MED27: variants seen among roughly 807,000 people sequenced by gnomAD.
The protein encoded by MED27 is mediator of RNA polymerase II transcription subunit 27.
In MED27, 30 loss-of-function variants were observed where a neutral mutation model predicts 38.2. That is an observed-to-expected ratio of 0.79 (90% CI 0.59 to 1.07). MED27 has a LOEUF of 1.07. Among genes scored for constraint, MED27 ranks in the 50% least tolerant of loss-of-function variants. The pLI, the probability that MED27 is intolerant of heterozygous loss-of-function variation, is 0.00. For synonymous variants in MED27, 122 were observed against 153.5 expected, an observed-to-expected ratio of 0.79 and a Z score of 1.52; for missense variants, 289 against 397.5, an observed-to-expected ratio of 0.73 and a Z score of 2.32.
At chr9:131,945,741 C>T (rs1490859469) in intron 3 of MED27, among the ~76,000 whole-genome samples, 1 of 148,540 alleles carries the variant, frequency 6.7e-6, no homozygotes, top group African/African-American at 2.5e-5. Flanking sequence ...AGGAAGATGG[C>T]TTGAGCTCAG....
intron 2 of MED27, among the ~76,000 whole-genome samples, chr9:132,038,036 A>G (rs1042110561): frequency 1.3e-5 from 2 of 151,934 alleles, no homozygotes; most frequent in Non-Finnish European, 2.9e-5. Context: ...GGGAGGGTGT[A>G]TGTCATCTAC....
In MED27 at chr9:132,014,379, C is replaced by T. The variant is rs532293886; in HGVS notation, c.437G>A (p.Arg146His). The T allele has an allele frequency of 1.9e-6, 3 of 1,613,214 alleles. No homozygotes were observed. The highest frequency in any genetic ancestry group is 1.1e-5 in the South Asian group (1 of 91,040). The part of the protein sequence containing the change: ...SANQMGVSAK[R>H]RPKAQPTTLV... ...AGTTGTGGGCTGAGCCTTTGGTCTACGTTTGGCAGATACTCCCATCTGATT... is the reference window on the plus strand; with the variant it reads ...AGTTGTGGGCTGAGCCTTTGGTCTATGTTTGGCAGATACTCCCATCTGATT... Residue 146 changes from arginine (R) to histidine (H), a missense_variant, in exon 3 of 8, where the codon CGT becomes CAT. Physicochemically the swap from Arg to His is conservative, Grantham distance 29 (BLOSUM62 0). Transcript: ENST00000292035.
At chr9:131,895,966 T>C (rs1278821893) in intron 4 of MED27, among the ~76,000 whole-genome samples, 1 of 151,480 alleles carries the variant, frequency 6.6e-6, no homozygotes, top group African/African-American at 2.4e-5. Flanking sequence ...TGGTGTGATC[T>C]CGGCTCACTG....
chr9:132,027,913 G>A (rs1365155617), intron 2 of MED27, among the ~76,000 whole-genome samples: 1 of 152,208 alleles, frequency 6.6e-6, no homozygotes, highest in African/African-American at 2.4e-5. Flanking sequence ...TGGAGGGTGA[G>A]TGTACTGGGC....
At chr9:131,891,631 T>C (rs1200730911) in intron 5 of MED27, among the ~76,000 whole-genome samples, 1 of 152,116 alleles carries the variant, frequency 6.6e-6, no homozygotes, top group Non-Finnish European at 1.5e-5. Context: ...CTGCCTAACA[T>C]CTATTAATAT....
rs1211344528 is a variant in MED27, at chr9:132,068,972, G to C, written c.348+8470C>G. Among the ~76,000 whole-genome samples the C allele has an allele frequency of 2.0e-5, 3 of 152,190 alleles. No homozygotes were observed. In the East Asian group the frequency reaches 5.8e-4, roughly 29 times the overall value. ...ATGAAGAGAGAAGACAAGAAAACGG[G>C]AGGCTTCTGTACATGTAATGATATG... On this transcript the variant is annotated intron_variant, in intron 2 of 7. Coordinates refer to ENST00000292035, the MANE Select transcript of MED27 (RefSeq NM_004269.4).
intron 3 of MED27, among the ~76,000 whole-genome samples, chr9:131,952,111 AC>A (rs1831010296): frequency 6.6e-6 from 1 of 152,218 alleles, no homozygotes; most frequent in Non-Finnish European, 1.5e-5. Flanking sequence ...AGGCTGGCCT[AC>A]ACACAGATTA....
rs1830750839 is a variant in MED27 at position 131,939,790 on chromosome 9, C to T, written c.480-316G>A. On this transcript the variant is annotated intron_variant, in intron 3 of 7. Transcript: ENST00000292035. Reference sequence around the variant, plus strand: ...GCCCCCTCCCTTTGTCCTTCCAGTCCAGGATGGCAGCAGTGTCCTGCTGTT... The same window carrying T: ...GCCCCCTCCCTTTGTCCTTCCAGTCTAGGATGGCAGCAGTGTCCTGCTGTT... 2.6e-5 allele frequency among the ~76,000 whole-genome samples: 4 copies of T among 152,136 alleles called. No homozygotes were observed. In the South Asian group the frequency reaches 8.3e-4, roughly 32 times the overall value.
intron 4 of MED27, among the ~76,000 whole-genome samples, chr9:131,919,381 C>T (rs996284300): frequency 6.6e-6 from 1 of 152,042 alleles, no homozygotes; most frequent in Non-Finnish European, 1.5e-5. Context: ...CTCTAGGGAG[C>T]TGAGGGCCAA....
intron 2 of MED27, among the ~76,000 whole-genome samples, chr9:132,067,549 A>C (rs1045909309): frequency 6.6e-6 from 1 of 152,212 alleles, no homozygotes; most frequent in Non-Finnish European, 1.5e-5. Flanking sequence ...AGTGGCAAAA[A>C]GAAGAAGAGC....
At chr9:131,984,237 CCCGATAG>C (rs1286179535) in intron 3 of MED27, among the ~76,000 whole-genome samples, 2 of 152,166 alleles carry the variant, frequency 1.3e-5, no homozygotes, top group African/African-American at 4.8e-5. Flanking sequence ...CCCCACTTTC[CCCGATAG>C]CACTAATCAC....
intron 2 of MED27, among the ~76,000 whole-genome samples, chr9:132,049,797 C>A (rs1833421276): frequency 6.6e-6 from 1 of 152,150 alleles, no homozygotes. Flanking sequence ...ATCACCCTAA[C>A]CACACATTCA....
chr9:132,063,373 T>A (rs1833740786), intron 2 of MED27, among the ~76,000 whole-genome samples: 1 of 152,120 alleles, frequency 6.6e-6, no homozygotes, highest in Non-Finnish European at 1.5e-5. Flanking sequence ...CTGGAGGAAG[T>A]CTCAACAGGA....
chr9:132,044,482 A>T (rs891134969), intron 2 of MED27, among the ~76,000 whole-genome samples: 8 of 152,252 alleles, frequency 5.3e-5, no homozygotes, highest in African/African-American at 1.9e-4. Context: ...AGTAACCATG[A>T]GATGCTCTGT....
chr9:132,056,590 T>C (rs1833582886), intron 2 of MED27, among the ~76,000 whole-genome samples: 1 of 152,202 alleles, frequency 6.6e-6, no homozygotes, highest in African/African-American at 2.4e-5. Flanking sequence ...GTAAGTGTAA[T>C]GCAAAATCTG....
intron 4 of MED27, among the ~76,000 whole-genome samples, chr9:131,930,588 C>G (rs1231134005): frequency 3.3e-5 from 5 of 152,086 alleles, no homozygotes. Flanking sequence ...TTTCATCACA[C>G]CAGACCTTTC....
intron 3 of MED27, among the ~76,000 whole-genome samples, chr9:131,964,693 G>T (rs761953789): frequency 2.6e-5 from 4 of 152,180 alleles, no homozygotes; most frequent in Non-Finnish European, 5.9e-5. Context: ...AACCAAGGAC[G>T]TGCAATTCTT....
intron 2 of MED27, among the ~76,000 whole-genome samples, chr9:132,032,375 A>G (rs1327432538): frequency 6.6e-6 from 1 of 152,010 alleles, no homozygotes; most frequent in Non-Finnish European, 1.5e-5. Context: ...TCTGGTCTGT[A>G]CTTTGGCAAA....
At chr9:132,048,698 G>A (rs1833399298) in intron 2 of MED27, among the ~76,000 whole-genome samples, 1 of 152,188 alleles carries the variant, frequency 6.6e-6, no homozygotes. Flanking sequence ...CAACCGCTCA[G>A]ATAAGCCAAC....
Sources: gnomAD v4.1 joint callset for allele counts (sites outside exome capture counted in the v4.1 genomes callset) on GRCh38, gnomAD v4.1.1 for gene constraint, MANE v1.5 for transcripts, NCBI Gene and HGNC (gene_info 2026-07-23, HGNC 2026-07-21) for gene names.